GOLGB1: variants seen among roughly 807,000 people sequenced by gnomAD.
GOLGB1 encodes the protein golgin subfamily B member 1.
In GOLGB1, 174 loss-of-function variants were observed where a neutral mutation model predicts 336.9. That is an observed-to-expected ratio of 0.52 (90% CI 0.46 to 0.59). The LOEUF is 0.59. GOLGB1 is among the 20% of genes least tolerant of loss of function. The pLI is 0.00. For synonymous variants in GOLGB1, 1,208 were observed against 1,289.2 expected (o/e 0.94, Z 1.35); for missense variants, 3,331 against 3,645.3 (o/e 0.91, Z 2.22).
At position 121,699,837 on chromosome 3, in the gene GOLGB1, C is replaced by T; in HGVS notation, c.1568G>A (p.Gly523Glu). The stretch of plus-strand genomic sequence containing the variant: ...CTCACTGACTTCTCTGTCTGCCTCC[C>T]CAGTTCTATTCTGAGCCTCTAGGAG... ...ITLLEAQNRTGEADREVSEIS... is the reference protein window; with the variant it reads ...ITLLEAQNRTEEADREVSEIS... Residue 523 changes from glycine (G) to glutamate (E), a missense_variant, in exon 12 of 22, where the codon GGG (glycine) becomes GAG (glutamate). Physicochemically the swap from Gly to Glu is moderately conservative, Grantham distance 98 (BLOSUM62 -2). Coordinates refer to ENST00000614479, the MANE Select transcript of GOLGB1 (RefSeq NM_001366282.2). 1 of 1,604,874 alleles carries T rather than the reference C, an allele frequency of 6.2e-7. No homozygotes were observed. The highest frequency in any genetic ancestry group is 8.5e-7 in the Non-Finnish European group (1 of 1,172,602).
intron 14 of GOLGB1, among the ~76,000 whole-genome samples, chr3:121,685,063 G>A (rs954183729): frequency 7.2e-5 from 11 of 151,984 alleles, no homozygotes; most frequent in Admixed American, 5.9e-4. Flanking sequence ...GAAAACTAAG[G>A]AACAACAATA....
At chr3:121,680,131 G>A (rs539279142) in intron 15 of GOLGB1, among the ~76,000 whole-genome samples, 1 of 152,318 alleles carries the variant, frequency 6.6e-6, no homozygotes, top group African/African-American at 2.4e-5. Context: ...CAGTATCAGG[G>A]CATCCCTTCC....
chr3:121,723,867 C>T (rs1227155625), intron 5 of GOLGB1, among the ~76,000 whole-genome samples: 1 of 152,026 alleles, frequency 6.6e-6, no homozygotes, highest in East Asian at 1.9e-4. Flanking sequence ...ATAAATTTGA[C>T]ACAAAAATAA....
chr3:121,673,027 T>C (rs1024460489), intron 17 of GOLGB1, among the ~76,000 whole-genome samples: 1 of 152,030 alleles, frequency 6.6e-6, no homozygotes, highest in African/African-American at 2.4e-5. Flanking sequence ...ATTAAACAGG[T>C]AGTGTGATGC....
chr3:121,687,021 T>G (rs1576318316), intron 14 of GOLGB1, among the ~76,000 whole-genome samples: 1 of 152,182 alleles, frequency 6.6e-6, no homozygotes, highest in South Asian at 2.1e-4. Context: ...CGCCTGTAAT[T>G]CCAGCACTTT....
intron 15 of GOLGB1, among the ~76,000 whole-genome samples, chr3:121,680,379 A>C (rs1028763473): frequency 6.6e-6 from 1 of 152,262 alleles, no homozygotes; most frequent in Admixed American, 6.5e-5. Flanking sequence ...TATAACACTG[A>C]GGTGACACAA....
chr3:121,719,560 A>AG, intron 7 of GOLGB1, 86 bp downstream of exon 7: 1 of 974,712 alleles, frequency 1.0e-6, no homozygotes, highest in East Asian at 2.7e-5. Context: ...CCAAGTGAAG[A>AG]GCAGTGGGTA....
chr3:121,728,074 C>A (rs1157984684), intron 4 of GOLGB1, among the ~76,000 whole-genome samples: 2 of 151,828 alleles, frequency 1.3e-5, no homozygotes, highest in Non-Finnish European at 2.9e-5. Context: ...GGGAACAAAG[C>A]AATATGAGGA....
At chr3:121,679,802 C>T (rs1940857940) in intron 15 of GOLGB1, among the ~76,000 whole-genome samples, 1 of 152,176 alleles carries the variant, frequency 6.6e-6, no homozygotes, top group African/African-American at 2.4e-5. Context: ...CCCTCCTCCC[C>T]CACTCCCACT....
chr3:121,729,756 G>A (rs1189067116), intron 3 of GOLGB1, 109 bp downstream of exon 3: 2 of 825,782 alleles, frequency 2.4e-6, no homozygotes, highest in African/African-American at 1.7e-5. Context: ...CAGTACTAGG[G>A]AGATAATCAG....
intron 1 of GOLGB1, among the ~76,000 whole-genome samples, chr3:121,740,640 T>C (rs905172729): frequency 6.6e-6 from 1 of 152,214 alleles, no homozygotes; most frequent in Non-Finnish European, 1.5e-5. Flanking sequence ...AAACTTTCTG[T>C]AGTGATCTGA....
intron 1 of GOLGB1, among the ~76,000 whole-genome samples, chr3:121,743,461 T>C (rs2108417238): frequency 6.6e-6 from 1 of 152,160 alleles, no homozygotes; most frequent in African/African-American, 2.4e-5. Flanking sequence ...CTGGGACCTG[T>C]TGGAGGTTGG....
chr3:121,727,320 A>ATTTTT (rs869189384), intron 4 of GOLGB1, among the ~76,000 whole-genome samples: 11 of 28,632 alleles, frequency 3.8e-4, no homozygotes, highest in South Asian at 1.4e-3. Context: ...ATATATATAT[A>ATTTTT]TTTTTTTTTT....
intron 20 of GOLGB1, among the ~76,000 whole-genome samples, chr3:121,667,004 G>A (rs1938719430): frequency 1.3e-5 from 2 of 152,198 alleles, no homozygotes; most frequent in South Asian, 4.1e-4. Flanking sequence ...CATTGTCTGT[G>A]ACTGGGAGGG....
rs1278552619 is a variant in GOLGB1 at position 121,717,144 on chromosome 3, G to A, written c.886-5C>T. 8.8e-6 allele frequency: 14 copies of A among 1,581,934 alleles called. No individual in the cohort carries two copies. In the Admixed American group the frequency reaches 1.1e-4, roughly 13 times the overall value. ...CTGTAACTGCTGAGAGAGAATCTAA[G>A]AAAAAAGACAAAGTCTCATGAGCCA... On this transcript the variant is annotated splice_region_variant and splice_polypyrimidine_tract_variant and intron_variant, in intron 8 of 21. Transcript: ENST00000614479.
At chr3:121,738,632 G>A (rs1946644730) in intron 1 of GOLGB1, among the ~76,000 whole-genome samples, 2 of 152,140 alleles carry the variant, frequency 1.3e-5, no homozygotes, top group Admixed American at 6.5e-5. Flanking sequence ...CCAATAACAG[G>A]TACCTGCCAG....
intron 10 of GOLGB1, among the ~76,000 whole-genome samples, chr3:121,710,659 T>A (rs1944277055): frequency 6.6e-6 from 1 of 151,952 alleles, no homozygotes. Context: ...GGCAACATGA[T>A]GAAATTCCAT....
intron 18 of GOLGB1, among the ~76,000 whole-genome samples, chr3:121,668,794 T>A (rs1450852351): frequency 6.6e-6 from 1 of 151,836 alleles, no homozygotes; most frequent in African/African-American, 2.4e-5. Flanking sequence ...CTCCTCCGTA[T>A]CCTATACGTC....
chr3:121,674,793 T>C (rs1043161852), intron 17 of GOLGB1, among the ~76,000 whole-genome samples: 2 of 151,552 alleles, frequency 1.3e-5, no homozygotes, highest in Non-Finnish European at 2.9e-5. Flanking sequence ...ATTGTTTTAA[T>C]GACTGAATAA....
Sources: gnomAD v4.1 joint callset for allele counts (sites outside exome capture counted in the v4.1 genomes callset) on GRCh38, gnomAD v4.1.1 for gene constraint, MANE v1.5 for transcripts, NCBI Gene and HGNC (gene_info 2026-07-23, HGNC 2026-07-21) for gene names.